Variants in NBEA observed in about 807,000 individuals in gnomAD.
The protein encoded by NBEA is lysosomal-trafficking regulator 2.
NBEA carries 44 observed loss-of-function variants against 343.4 expected under a neutral mutation model. The observed-to-expected ratio is 0.13, with a 90% confidence interval of 0.10 to 0.16. NBEA has a LOEUF of 0.16. Ranked by LOEUF, NBEA falls within the 10% of genes least tolerant of loss-of-function variation. The pLI is 1.00. For synonymous variants in NBEA, 1,175 were observed against 1,238.7 expected, an observed-to-expected ratio of 0.95 and a Z score of 1.08; for missense variants, 2,555 against 3,631.3, an observed-to-expected ratio of 0.70 and a Z score of 7.62.
chr13:35,352,345 T>G (rs1350552418), intron 38 of NBEA, 22 bp downstream of exon 38: 1 of 1,341,066 alleles, frequency 7.5e-7, no homozygotes, highest in Admixed American at 2.3e-5. Context: ...TAAATTCGAG[T>G]AAATAATAAT....
intron 10 of NBEA, among the ~76,000 whole-genome samples, chr13:35,096,134 C>T (rs1267711958): frequency 1.3e-5 from 2 of 151,276 alleles, no homozygotes; most frequent in East Asian, 1.9e-4. Flanking sequence ...GAAAATGTAC[C>T]TCTTCGAAGA....
intron 29 of NBEA, among the ~76,000 whole-genome samples, chr13:35,183,072 A>G (rs565701418): frequency 2.1e-4 from 32 of 152,186 alleles, no homozygotes; most frequent in African/African-American, 7.7e-4. Context: ...GAAAGTTAAC[A>G]TGGACAACAA....
intron 18 of NBEA, among the ~76,000 whole-genome samples, chr13:35,150,519 A>T (rs910855976): frequency 6.6e-6 from 1 of 152,156 alleles, no homozygotes; most frequent in Non-Finnish European, 1.5e-5. Context: ...TAGTAAAGGA[A>T]ATTTAACTGA....
chr13:35,183,421 A>G (rs756013168), intron 29 of NBEA, among the ~76,000 whole-genome samples: 15 of 152,174 alleles, frequency 9.9e-5, no homozygotes, highest in Admixed American at 7.9e-4. Flanking sequence ...TTAGTGGTCA[A>G]ATCTCTGCAT....
chr13:35,374,639 T>A (rs2041639585), intron 38 of NBEA, among the ~76,000 whole-genome samples: 1 of 152,178 alleles, frequency 6.6e-6, no homozygotes, highest in African/African-American at 2.4e-5. Flanking sequence ...ATTAAATAAA[T>A]GGATATTTCA....
At chr13:35,503,538 T>C (rs1329684784) in intron 41 of NBEA, among the ~76,000 whole-genome samples, 1 of 151,886 alleles carries the variant, frequency 6.6e-6, no homozygotes, top group Non-Finnish European at 1.5e-5. Context: ...CAGGTAAACA[T>C]TTTTTGATAT....
chr13:35,592,727 G>T (rs1053278516), intron 46 of NBEA, among the ~76,000 whole-genome samples: 1 of 152,044 alleles, frequency 6.6e-6, no homozygotes, highest in Non-Finnish European at 1.5e-5. Context: ...TCAGCCTCTT[G>T]TAAAACAAAT....
intron 34 of NBEA, among the ~76,000 whole-genome samples, chr13:35,249,151 C>CAAAAAA (rs1179922550): frequency 2.0e-5 from 1 of 49,682 alleles, no homozygotes; most frequent in Non-Finnish European, 4.2e-5. Context: ...CTCCATCTTA[C>CAAAAAA]AAAAAAAAAA....
intron 1 of NBEA, among the ~76,000 whole-genome samples, chr13:34,956,973 A>G (rs570866121): frequency 2.6e-5 from 4 of 152,108 alleles, no homozygotes; most frequent in African/African-American, 9.6e-5. Flanking sequence ...TACAGGACTC[A>G]GATTCTTTAG....
Position 35,159,457 on chromosome 13 carries a change from T to TTGGATAATG in NBEA, c.3288_3296dup (p.Asp1097_Val1099dup). ...TGCCCTTGTGGAGGTTGAATCTCTGTTGGATAATGTATATAGTGCTGCTGT... is the reference window on the plus strand; with the variant it reads ...TGCCCTTGTGGAGGTTGAATCTCTGTTGGATAATGTGGATAATGTATATAGTGCTGCTGT... On this transcript the variant is annotated inframe_insertion, in exon 22 of 59. Transcript: ENST00000379939. 2 of 1,613,352 alleles carry TTGGATAATG rather than the reference T, an allele frequency of 1.2e-6. No homozygotes were observed. Among genetic ancestry groups the TTGGATAATG allele is most frequent in the Non-Finnish European group, 1.7e-6 (2 of 1,179,664 alleles).
At chr13:35,393,092 T>A (rs2042583348) in intron 38 of NBEA, among the ~76,000 whole-genome samples, 1 of 152,150 alleles carries the variant, frequency 6.6e-6, no homozygotes, top group African/African-American at 2.4e-5. Context: ...ACCCTACCAA[T>A]ATGACTGGTT....
intron 46 of NBEA, among the ~76,000 whole-genome samples, chr13:35,588,559 T>C (rs939182756): frequency 1.2e-4 from 19 of 152,140 alleles, no homozygotes; most frequent in Admixed American, 1.2e-3. Flanking sequence ...TACTTTAAAT[T>C]AAAAATATTA....
intron 38 of NBEA, among the ~76,000 whole-genome samples, chr13:35,405,149 G>T (rs965041902): frequency 3.9e-5 from 6 of 152,136 alleles, no homozygotes; most frequent in Non-Finnish European, 7.3e-5. Context: ...AAAACATATT[G>T]TTGTAGAAAT....
intron 32 of NBEA, among the ~76,000 whole-genome samples, chr13:35,210,595 T>C (rs1342870211): frequency 6.6e-6 from 1 of 152,188 alleles, no homozygotes; most frequent in Non-Finnish European, 1.5e-5. Flanking sequence ...ATTATAGCCC[T>C]TCTTAAGCAG....
chr13:35,448,294 G>A (rs1031199222), intron 39 of NBEA, among the ~76,000 whole-genome samples: 1 of 152,172 alleles, frequency 6.6e-6, no homozygotes, highest in East Asian at 1.9e-4. Context: ...GTAACATAAA[G>A]CTTTTTTACT....
chr13:35,640,845 T>C (rs1198957868), intron 49 of NBEA, among the ~76,000 whole-genome samples: 4 of 152,330 alleles, frequency 2.6e-5, no homozygotes, highest in Admixed American at 6.5e-5. Flanking sequence ...TTCACATTTA[T>C]CTTTACTTCT....
intron 40 of NBEA, among the ~76,000 whole-genome samples, chr13:35,469,099 CAA>C (rs34222156): frequency 2.4e-5 from 2 of 85,024 alleles, no homozygotes; most frequent in Non-Finnish European, 2.1e-5. Context: ...GACTCTATCT[CAA>C]AAAAAAAAAA....
chr13:35,479,697 T>G (rs1005223602), intron 41 of NBEA, among the ~76,000 whole-genome samples: 1 of 152,184 alleles, frequency 6.6e-6, no homozygotes, highest in Admixed American at 6.5e-5. Flanking sequence ...TAATATACAT[T>G]TATGTATTAA....
chr13:35,413,248 T>C (rs772276959), intron 38 of NBEA, among the ~76,000 whole-genome samples: 4 of 152,150 alleles, frequency 2.6e-5, no homozygotes, highest in African/African-American at 7.2e-5. Context: ...TCAGTACTTA[T>C]GTTTTTGTTT....
Sources: gnomAD v4.1 joint callset for allele counts (sites outside exome capture counted in the v4.1 genomes callset) on GRCh38, gnomAD v4.1.1 for gene constraint, MANE v1.5 for transcripts, NCBI Gene and HGNC (gene_info 2026-07-23, HGNC 2026-07-21) for gene names.